Variants in EDA observed in about 807,000 individuals in gnomAD.
The protein encoded by EDA is ectodysplasin A, also known as ectodysplasin-A.
Under a neutral mutation model 23.6 loss-of-function variants are expected in EDA, and 2 were observed. That is an observed-to-expected ratio of 0.08 (90% CI 0.03 to 0.27). The LOEUF is 0.27. Among genes scored for constraint, EDA ranks in the 10% least tolerant of loss-of-function variants. The pLI is 1.00. For missense variants in EDA, 229 were observed against 324.2 expected (o/e 0.71, Z 2.26); for synonymous variants, 131 against 132.0 (o/e 0.99, Z 0.05).
At chrX:69,621,555 G>GT (rs1569274278) in intron 1 of EDA, among the ~76,000 whole-genome samples, 1 of 111,702 alleles carries the variant, frequency 9.0e-6, no homozygotes, top group Non-Finnish European at 1.9e-5. Flanking sequence ...TCATAGATTA[G>GT]TTTTTTTATC....
intron 1 of EDA, among the ~76,000 whole-genome samples, chrX:69,711,830 G>A (rs1323845642): frequency 5.4e-5 from 6 of 111,390 alleles, no homozygotes; most frequent in East Asian, 2.8e-4. Flanking sequence ...CTGTGGGATC[G>A]ATGGTGATAT....
intron 1 of EDA, among the ~76,000 whole-genome samples, chrX:69,672,211 C>T (rs993073372): frequency 9.9e-5 from 11 of 111,040 alleles, no homozygotes; most frequent in Non-Finnish European, 2.1e-4. Context: ...GTGGGGGGGA[C>T]TTAGGTCATG....
intron 1 of EDA, among the ~76,000 whole-genome samples, chrX:69,781,356 T>A (rs1157770766): frequency 1.8e-5 from 2 of 111,871 alleles, no homozygotes; most frequent in African/African-American, 6.5e-5. Context: ...TTCATTATCA[T>A]CAGCAGTTTA....
intron 1 of EDA, among the ~76,000 whole-genome samples, chrX:69,686,405 C>T (rs1369817953): frequency 8.9e-6 from 1 of 112,253 alleles, no homozygotes; most frequent in East Asian, 2.8e-4. Context: ...ACAGTTTTTG[C>T]ACCACTATTT....
intron 1 of EDA, among the ~76,000 whole-genome samples, chrX:69,772,874 G>A (rs762625240): frequency 5.9e-4 from 66 of 111,334 alleles, no homozygotes; most frequent in African/African-American, 2.1e-3. Context: ...GTCTTTATCC[G>A]GTCCCATAGA....
At chrX:69,967,778 A>G (rs1336762473) in intron 2 of EDA, among the ~76,000 whole-genome samples, 1 of 111,992 alleles carries the variant, frequency 8.9e-6, no homozygotes, top group Non-Finnish European at 1.9e-5. Context: ...TTCTTCATGT[A>G]GGTTCTCACT....
chrX:69,624,956 A>G (rs531486904), intron 1 of EDA, among the ~76,000 whole-genome samples: 1 of 111,033 alleles, frequency 9.0e-6, no homozygotes, highest in South Asian at 3.8e-4. Context: ...TATATCATTT[A>G]TATCTTGCCC....
chrX:69,723,517 C>T (rs1159578846), intron 1 of EDA, among the ~76,000 whole-genome samples: 1 of 112,028 alleles, frequency 8.9e-6, no homozygotes, highest in Admixed American at 9.5e-5. Flanking sequence ...CCAACCCATT[C>T]AGGTCTTTAT....
chrX:69,954,663 G>GT (rs2018974544), intron 1 of EDA, among the ~76,000 whole-genome samples: 1 of 111,588 alleles, frequency 9.0e-6, no homozygotes, highest in African/African-American at 3.3e-5. Context: ...CTATTACGGG[G>GT]TTTTTTTAGT....
intron 2 of EDA, among the ~76,000 whole-genome samples, chrX:69,964,913 A>G (rs1436173018): frequency 1.8e-5 from 2 of 112,006 alleles, no homozygotes; most frequent in Non-Finnish European, 3.8e-5. Flanking sequence ...TCATTCATTC[A>G]GTAAATGTTT....
intron 1 of EDA, among the ~76,000 whole-genome samples, chrX:69,869,870 G>T (rs1390620690): frequency 8.9e-6 from 1 of 112,087 alleles, no homozygotes. Context: ...GAGTGACTAT[G>T]GTTCCCACCA....
At chrX:69,716,516 A>ATT (rs372180676) in intron 1 of EDA, among the ~76,000 whole-genome samples, 5 of 96,890 alleles carry the variant, frequency 5.2e-5, no homozygotes, top group Admixed American at 1.1e-4. Flanking sequence ...CCTTCAGCTT[A>ATT]TTTTTTTTTT....
intron 2 of EDA, among the ~76,000 whole-genome samples, chrX:69,962,512 A>G (rs1469968467): frequency 2.7e-5 from 3 of 111,709 alleles, no homozygotes; most frequent in African/African-American, 9.8e-5. Flanking sequence ...GCTCACTGCA[A>G]TCTCCGCCTC....
At chrX:69,629,554 A>G (rs781682048) in intron 1 of EDA, among the ~76,000 whole-genome samples, 39 of 111,891 alleles carry the variant, frequency 3.5e-4, no homozygotes, top group African/African-American at 1.1e-3. Flanking sequence ...ATCGGACTCT[A>G]AAATATAGTT....
Position 69,771,572 on chromosome X carries a change from G to A in EDA, c.396+154868G>A, listed in dbSNP as rs180964176. ...TACTGGACATGAGGCTTCTTTTTGG[G>A]GTGATCAAAATATTCCAAAATTAGA... On this transcript the variant is annotated intron_variant, in intron 1 of 7. Coordinates refer to ENST00000374552, the MANE Select transcript of EDA (RefSeq NM_001399.5). Among the ~76,000 whole-genome samples the A allele has an allele frequency of 2.3e-3, 261 of 111,378 alleles. 1 individual carries two copies. Among genetic ancestry groups the A allele is most frequent in the African/African-American group, 8.2e-3 (252 of 30,658 alleles).
chrX:69,678,410 G>A (rs1163755166), intron 1 of EDA, among the ~76,000 whole-genome samples: 1 of 111,457 alleles, frequency 9.0e-6, no homozygotes, highest in Non-Finnish European at 1.9e-5. Context: ...AATTACCTTG[G>A]ACAGTATGGC....
At chrX:69,889,100 A>T (rs2082601782) in intron 1 of EDA, among the ~76,000 whole-genome samples, 2 of 93,858 alleles carry the variant, frequency 2.1e-5, no homozygotes, top group Admixed American at 1.2e-4. Flanking sequence ...CCACATTTTT[A>T]CCAAAACTTG....
intron 1 of EDA, among the ~76,000 whole-genome samples, chrX:69,859,181 A>G (rs1168754263): frequency 9.0e-6 from 1 of 110,929 alleles, no homozygotes; most frequent in Non-Finnish European, 1.9e-5. Flanking sequence ...TCAAAGAAAC[A>G]GCTCCTAGAT....
At chrX:69,755,338 G>A (rs914087638) in intron 1 of EDA, among the ~76,000 whole-genome samples, 2 of 111,587 alleles carry the variant, frequency 1.8e-5, no homozygotes, top group Non-Finnish European at 3.8e-5. Flanking sequence ...TCCAGACCCT[G>A]TTTTTGCCAG....
Sources: gnomAD v4.1 joint callset for allele counts (sites outside exome capture counted in the v4.1 genomes callset) on GRCh38, gnomAD v4.1.1 for gene constraint, MANE v1.5 for transcripts, NCBI Gene and HGNC (gene_info 2026-07-23, HGNC 2026-07-21) for gene names.